The following GNAL variants were observed in gnomAD, a reference collection of about 807,000 sequenced individuals.
GNAL encodes guanine nucleotide-binding protein G(olf) subunit alpha.
GNAL carries 18 observed loss-of-function variants against 55.1 expected under a neutral mutation model. That is an observed-to-expected ratio of 0.33 (90% CI 0.23 to 0.48). GNAL has a LOEUF of 0.48. GNAL is among the 20% of genes least tolerant of loss of function. The pLI is 0.99. For synonymous variants in GNAL, 253 were observed against 237.0 expected (o/e 1.07, Z -0.62); for missense variants, 412 against 614.1 (o/e 0.67, Z 3.48).
chr18:11,798,316 T>C (rs1396317363), intron 4 of GNAL, among the ~76,000 whole-genome samples: 1 of 152,260 alleles, frequency 6.6e-6, no homozygotes, highest in African/African-American at 2.4e-5. Context: ...TATATTCATA[T>C]TCTTGGGTTA....
Position 11,689,376 on chromosome 18 carries a change from G to A in GNAL, c.-188G>A. ...CCCTCTGGGGCAGTGAGGGGCTGTGGCCCTCGGCCCCGGCCTGCCGCACCC... is the reference window on the plus strand; with the variant it reads ...CCCTCTGGGGCAGTGAGGGGCTGTGACCCTCGGCCCCGGCCTGCCGCACCC... On this transcript the variant is annotated 5_prime_UTR_variant, in exon 1 of 12. An upstream open reading frame in the 5' UTR gains an earlier in-frame stop. Transcript: ENST00000334049. The A allele has an allele frequency of 2.8e-6, 1 of 352,926 alleles. No homozygotes were observed. The highest frequency in any genetic ancestry group is 5.1e-6 in the Non-Finnish European group (1 of 197,162). 21.9% of individuals were successfully genotyped at this position (352,926 alleles called of 1,614,324 possible).
At chr18:11,861,816 C>T (rs2036146716) in intron 5 of GNAL, among the ~76,000 whole-genome samples, 1 of 152,216 alleles carries the variant, frequency 6.6e-6, no homozygotes, top group Non-Finnish European at 1.5e-5. Flanking sequence ...CCAGCACACA[C>T]ACTCAAATAT....
rs142376391 is a variant in GNAL at position 11,781,025 on chromosome 18, C to T, written c.624+27080C>T. ...GCATTTAACTGACTGAGAGCCTTGACTACAGGATTGAAATTCTGCAAGATA... is the reference window on the plus strand; with the variant it reads ...GCATTTAACTGACTGAGAGCCTTGATTACAGGATTGAAATTCTGCAAGATA... On this transcript the variant is annotated intron_variant, in intron 4 of 11. Transcript: ENST00000334049. Among the ~76,000 whole-genome samples the T allele has an allele frequency of 6.9e-3, 1,053 of 152,326 alleles. 7 individuals carry two copies. The highest frequency in any genetic ancestry group is 0.024 in the African/African-American group (995 of 41,576).
intron 1 of GNAL, chr18:11,746,082 C>A: frequency 4.3e-6 from 2 of 469,520 alleles, no homozygotes; most frequent in South Asian, 3.3e-5. Context: ...AGTTCTTGTT[C>A]CATTGGAGCA....
chr18:11,726,594 T>C (rs1484144512), intron 1 of GNAL, among the ~76,000 whole-genome samples: 1 of 152,190 alleles, frequency 6.6e-6, no homozygotes. Context: ...GATCTTCTGA[T>C]CCACTGTGCC....
intron 1 of GNAL, among the ~76,000 whole-genome samples, chr18:11,723,775 C>T (rs987638660): frequency 6.6e-6 from 1 of 152,220 alleles, no homozygotes; most frequent in Non-Finnish European, 1.5e-5. Context: ...CTGGGAGTCA[C>T]TCCCCTCTTT....
Position 11,814,823 on chromosome 18 carries a change from G to A in GNAL, c.625-10095G>A, listed in dbSNP as rs531359805. The stretch of plus-strand genomic sequence containing the variant: ...TAAGGCAGGAGAATCACTTGAATTC[G>A]GGAAACAGAGGTTTCAGTGAACCGA... On this transcript the variant is annotated intron_variant, in intron 4 of 11. Transcript: ENST00000334049. 2.2e-4 allele frequency among the ~76,000 whole-genome samples: 33 copies of A among 151,788 alleles called. No homozygotes were observed. The East Asian group carries it at 5.8e-3, about 27-fold the overall frequency.
intron 1 of GNAL, among the ~76,000 whole-genome samples, chr18:11,740,999 G>A (rs1025896673): frequency 2.6e-5 from 4 of 152,178 alleles, no homozygotes; most frequent in East Asian, 3.9e-4. Context: ...TAGACAATTC[G>A]ATATTCTATT....
intron 4 of GNAL, among the ~76,000 whole-genome samples, chr18:11,782,203 G>C (rs2033940040): frequency 6.6e-6 from 1 of 152,164 alleles, no homozygotes; most frequent in African/African-American, 2.4e-5. Context: ...TGTAATCCCA[G>C]CTGCTTGGGA....
At chr18:11,838,640 A>G (rs908240220) in intron 5 of GNAL, among the ~76,000 whole-genome samples, 2 of 152,168 alleles carry the variant, frequency 1.3e-5, no homozygotes, top group Non-Finnish European at 2.9e-5. Flanking sequence ...GGGCCTTCTG[A>G]TTTAATACCA....
At chr18:11,739,733 G>A (rs2032535692) in intron 1 of GNAL, among the ~76,000 whole-genome samples, 2 of 151,812 alleles carry the variant, frequency 1.3e-5, no homozygotes, top group South Asian at 2.1e-4. Context: ...TACACTCTGT[G>A]GTGTCCTTCC....
chr18:11,762,794 G>A (rs1216479434), intron 4 of GNAL, among the ~76,000 whole-genome samples: 1 of 152,200 alleles, frequency 6.6e-6, no homozygotes, highest in Non-Finnish European at 1.5e-5. Flanking sequence ...TTCATAAAGA[G>A]ACCAGGCTTT....
intron 1 of GNAL, among the ~76,000 whole-genome samples, chr18:11,714,629 G>A (rs967346309): frequency 6.6e-6 from 1 of 152,158 alleles, no homozygotes; most frequent in African/African-American, 2.4e-5. Context: ...AATTTATATT[G>A]TCAGGGTGAA....
At chr18:11,848,763 C>T (rs1427876188) in intron 5 of GNAL, among the ~76,000 whole-genome samples, 1 of 152,024 alleles carries the variant, frequency 6.6e-6, no homozygotes, top group Non-Finnish European at 1.5e-5. Flanking sequence ...AGTCAACAAC[C>T]ACACTTTATA....
chr18:11,877,830 GA>G (rs1567907166), intron 11 of GNAL, among the ~76,000 whole-genome samples: 1 of 152,204 alleles, frequency 6.6e-6, no homozygotes, highest in Admixed American at 6.5e-5. Context: ...ACAATGAGGA[GA>G]AATCAAGGCC....
intron 4 of GNAL, among the ~76,000 whole-genome samples, chr18:11,767,774 C>G (rs1456307147): frequency 6.6e-6 from 1 of 152,192 alleles, no homozygotes; most frequent in African/African-American, 2.4e-5. Context: ...TTTGCGTGCT[C>G]CATCCCACCA....
intron 4 of GNAL, among the ~76,000 whole-genome samples, chr18:11,821,321 T>G (rs1339695930): frequency 6.6e-6 from 1 of 151,980 alleles, no homozygotes; most frequent in East Asian, 1.9e-4. Context: ...TAATAAAAGG[T>G]GGTAGTATGC....
chr18:11,823,803 T>TA (rs141901495), intron 4 of GNAL, among the ~76,000 whole-genome samples: 105,663 of 151,774 alleles, frequency 0.7, 38,366 homozygotes, highest in Admixed American at 0.82. Context: ...AGGGCGTGAA[T>TA]TTCCCACAAA....
At chr18:11,840,414 G>A (rs920589127) in intron 5 of GNAL, among the ~76,000 whole-genome samples, 2 of 152,160 alleles carry the variant, frequency 1.3e-5, no homozygotes, top group African/African-American at 4.8e-5. Flanking sequence ...TGCCAAAAAA[G>A]GAAATTTTTT....
Sources: allele counts gnomAD v4.1 joint callset (sites outside exome capture counted in the v4.1 genomes callset), GRCh38; gene constraint gnomAD v4.1.1; transcripts MANE v1.5; gene names NCBI Gene and HGNC (gene_info 2026-07-23, HGNC 2026-07-21).